BCAS3: variants seen among roughly 807,000 people sequenced by gnomAD.
BCAS3 encodes BCAS3 microtubule associated cell migration factor.
BCAS3 carries 53 observed loss-of-function variants against 116.1 expected under a neutral mutation model. The observed-to-expected ratio is 0.46, with a 90% CI of 0.37 to 0.57. The LOEUF (loss-of-function observed/expected upper bound fraction) is 0.57, where lower values mean the gene tolerates loss of function less well. BCAS3 is among the 20% of genes least tolerant of loss of function. BCAS3 has a pLI of 0.00. For synonymous variants in BCAS3, 391 were observed against 408.2 expected, an observed-to-expected ratio of 0.96 and a Z score of 0.51; for missense variants, 917 against 1,165.4, an observed-to-expected ratio of 0.79 and a Z score of 3.10.
intron 22 of BCAS3, among the ~76,000 whole-genome samples, chr17:61,319,940 G>C (rs1410250598): frequency 6.7e-6 from 1 of 148,210 alleles, no homozygotes; most frequent in Non-Finnish European, 1.5e-5. Context: ...ACCCAGGCTG[G>C]AGTGTAGTGG....
At chr17:61,389,088 C>T in intron 23 of BCAS3, 1 of 219,848 alleles carries the variant, frequency 4.5e-6, no homozygotes, top group Non-Finnish European at 9.1e-6. Flanking sequence ...GGGGGTCTCC[C>T]CTAGATGAGA....
chr17:61,364,684 G>A lies in BCAS3; in HGVS notation c.2426-3643G>A, dbSNP rs2058634972. On this transcript the variant is annotated intron_variant, in intron 22 of 23. Transcript: ENST00000407086. The surrounding 1 kb of genome is among the most constrained non-coding windows in gnomAD (Gnocchi z 5.4). ...GATTGCACCACTGCACTTTGGTCTGGGCAAAAGAGTGAGACCCCGTCTCAA... is the reference window on the plus strand; with the variant it reads ...GATTGCACCACTGCACTTTGGTCTGAGCAAAAGAGTGAGACCCCGTCTCAA... Among the ~76,000 whole-genome samples, 1 of 152,166 alleles carries A rather than the reference G, an allele frequency of 6.6e-6. No individual in the cohort carries two copies. Among genetic ancestry groups the A allele is most frequent in the Non-Finnish European group, 1.5e-5 (1 of 68,038 alleles).
At chr17:60,948,110 T>G (rs1415710250) in intron 14 of BCAS3, among the ~76,000 whole-genome samples, 1 of 152,068 alleles carries the variant, frequency 6.6e-6, no homozygotes, top group Non-Finnish European at 1.5e-5. Flanking sequence ...TATTTATTTT[T>G]ATTATTTTTT....
intron 19 of BCAS3, among the ~76,000 whole-genome samples, chr17:61,066,988 G>C (rs988524218): frequency 6.6e-6 from 1 of 151,578 alleles, no homozygotes; most frequent in Admixed American, 6.6e-5. Context: ...TGTACCTATA[G>C]TTTAGCAGTA....
At chr17:61,314,960 T>C (rs1272583214) in intron 22 of BCAS3, among the ~76,000 whole-genome samples, 3 of 152,056 alleles carry the variant, frequency 2.0e-5, no homozygotes, top group South Asian at 2.1e-4. Context: ...AATTCCAAAT[T>C]TGAATGCTCT....
intron 5 of BCAS3, chr17:60,727,270 A>G: frequency 9.3e-7 from 1 of 1,078,590 alleles, no homozygotes; most frequent in South Asian, 1.2e-5. Flanking sequence ...TAGGCTCAAC[A>G]CATTCTGGCC....
At position 61,392,813 on chromosome 17, in the gene BCAS3, A is replaced by G. The variant is rs1279978382; in HGVS notation, c.*688A>G. 1 of 152,424 alleles carries G rather than the reference A, an allele frequency of 6.6e-6. No individual in the cohort carries two copies. Among genetic ancestry groups the G allele is most frequent in the African/African-American group, 2.4e-5 (1 of 41,412 alleles). The allele number at this position is 152,424 out of a possible 1,614,324, so 9.4% of individuals were successfully genotyped here. ...AAGTGCACGTCTTGTCCAATAAATC[A>G]CGCTGCAGTTGGTGTCCATCCCTGA... On this transcript the variant is annotated 3_prime_UTR_variant, in exon 24 of 24. Coordinates refer to ENST00000407086, the MANE Select transcript of BCAS3 (RefSeq NM_017679.5). This position sits in a 1 kb window ranked among gnomAD's most constrained non-coding sequence, Gnocchi z 6.4.
Position 60,709,230 on chromosome 17 carries a change from A to C in BCAS3, c.226A>C (p.Asn76His), listed in dbSNP as rs368119215. The C allele has an allele frequency of 1.3e-6, 2 of 1,539,002 alleles. No homozygotes were observed. The highest frequency in any genetic ancestry group is 2.7e-5 in the African/African-American group (2 of 74,146). The change falls in exon 5 of 24, where the codon AAT becomes CAT. Residue 76 changes from asparagine (N) to histidine (H), a missense_variant. Physicochemically the swap from Asn to His is moderately conservative, Grantham distance 68. Transcript: ENST00000407086. ...TAATTCTAATGCAGATACATCAAGA[A>C]ATCTGGAATTTCATGAAATACATAG... ...ENADLNDTSR[N>H]LEFHEIHSTG...
chr17:61,271,454 C>T lies in BCAS3; in HGVS notation c.2426-96873C>T, dbSNP rs1191235262. Among the ~76,000 whole-genome samples the T allele has an allele frequency of 5.4e-4, 7 of 12,848 alleles. 1 individual carries two copies. The highest frequency in any genetic ancestry group is 2.9e-3 in the East Asian group (1 of 350). The allele number at this position is 12,848 out of a possible 152,430, so 8.4% of individuals were successfully genotyped here. On this transcript the variant is annotated intron_variant, in intron 22 of 23. Transcript: ENST00000407086. ...TTTTTTTTTGTCTTAGGTGGAGTCT[C>T]GCTCTGTTACCCAGGCTGGAGTGCA...
Position 61,139,512 on chromosome 17 carries a change from A to G in BCAS3, c.2425+54948A>G, listed in dbSNP as rs72844920. ...GCTCAGTGCGGGCTTTGTTTATAGCAGAAGCCATAATGTATAATGTTCAGG... is the reference window on the plus strand; with the variant it reads ...GCTCAGTGCGGGCTTTGTTTATAGCGGAAGCCATAATGTATAATGTTCAGG... On this transcript the variant is annotated intron_variant, in intron 22 of 23. Transcript: ENST00000407086. This position sits in a 1 kb window ranked among gnomAD's most constrained non-coding sequence, Gnocchi z 4.7. Among the ~76,000 whole-genome samples the G allele has an allele frequency of 9.9e-3, 1,509 of 152,350 alleles. 15 individuals carry two copies. Among genetic ancestry groups the G allele is most frequent in the South Asian group, 0.025 (120 of 4,824 alleles).
chr17:61,346,021 T>C lies in BCAS3; in HGVS notation c.2426-22306T>C, dbSNP rs1242900198. Among the ~76,000 whole-genome samples the C allele has an allele frequency of 6.6e-6, 1 of 152,188 alleles. No homozygotes were observed. The highest frequency in any genetic ancestry group is 1.5e-5 in the Non-Finnish European group (1 of 68,036). ...GGTGTGCGGACTGGAGGTCAGTGAA[T>C]TTAAGGCCAAAGGTGTTGGCTTGGT... is the stretch of plus-strand genomic sequence containing the variant. On this transcript the variant is annotated intron_variant, in intron 22 of 23. Coordinates refer to ENST00000407086, the MANE Select transcript of BCAS3 (RefSeq NM_017679.5). The surrounding 1 kb of genome is among the most constrained non-coding windows in gnomAD (Gnocchi z 5.4).
chr17:61,190,613 T>C lies in BCAS3; in HGVS notation c.2425+106049T>C, dbSNP rs115791710. 4.0e-3 allele frequency among the ~76,000 whole-genome samples: 609 copies of C among 151,996 alleles called. 2 individuals are homozygous for C. Among genetic ancestry groups the C allele is most frequent in the African/African-American group, 0.014 (581 of 41,458 alleles). On this transcript the variant is annotated intron_variant, in intron 22 of 23. Transcript: ENST00000407086. Reference sequence around the variant, plus strand: ...AAAAAAATTTTATTTCATTTATTTATTTTTATTTTTTGAGATGGAATTTTG... The same window carrying C: ...AAAAAAATTTTATTTCATTTATTTACTTTTATTTTTTGAGATGGAATTTTG...
At chr17:60,752,340 G>A (rs11657387) in intron 6 of BCAS3, among the ~76,000 whole-genome samples, 110,478 of 151,646 alleles carry the variant, frequency 0.73, 45,778 homozygotes, top group South Asian at 0.98. Context: ...ATATACTTCC[G>A]TATATGTACA....
chr17:61,254,441 G>A (rs2048607806), intron 22 of BCAS3, among the ~76,000 whole-genome samples: 1 of 152,050 alleles, frequency 6.6e-6, no homozygotes, highest in Admixed American at 6.6e-5. Flanking sequence ...CTAGTGTCAA[G>A]TCAGTTTTCC....
At chr17:60,998,028 A>T (rs1600332231) in intron 15 of BCAS3, among the ~76,000 whole-genome samples, 3 of 152,052 alleles carry the variant, frequency 2.0e-5, no homozygotes, top group Admixed American at 2.0e-4. Context: ...CCTAATGTCT[A>T]TTGTTCCCAT....
chr17:61,236,519 A>G (rs943049741), intron 22 of BCAS3, among the ~76,000 whole-genome samples: 1 of 151,980 alleles, frequency 6.6e-6, no homozygotes, highest in African/African-American at 2.4e-5. Context: ...ACGGGGTTTC[A>G]CTGTGTTAGC....
chr17:60,693,838 G>A (rs2035204386), intron 4 of BCAS3, among the ~76,000 whole-genome samples: 1 of 149,064 alleles, frequency 6.7e-6, no homozygotes, highest in Non-Finnish European at 1.5e-5. Flanking sequence ...TTTTAATTTT[G>A]GAAAAATATA....
At chr17:60,727,839 G>C (rs1286371154) in intron 5 of BCAS3, among the ~76,000 whole-genome samples, 7 of 145,766 alleles carry the variant, frequency 4.8e-5, no homozygotes, top group Non-Finnish European at 9.0e-5. Flanking sequence ...ACAGGGTCTT[G>C]CTCTGTTGGC....
chr17:60,922,130 A>C (rs557041228), intron 12 of BCAS3, among the ~76,000 whole-genome samples: 12 of 152,052 alleles, frequency 7.9e-5, no homozygotes, highest in Non-Finnish European at 1.3e-4. Flanking sequence ...AAGAAATTTT[A>C]GCTCTTTTTT....
Sources: allele counts gnomAD v4.1 joint callset (sites outside exome capture counted in the v4.1 genomes callset), GRCh38; gene constraint gnomAD v4.1.1; non-coding constraint Gnocchi (gnomAD v3.1); transcripts MANE v1.5; gene names NCBI Gene and HGNC (gene_info 2026-07-23, HGNC 2026-07-21).